MMS22L: variants seen among roughly 807,000 people sequenced by gnomAD.
MMS22L encodes MMS22 like, DNA repair protein.
MMS22L carries 74 observed loss-of-function variants against 159.1 expected under a neutral mutation model. That is an observed-to-expected ratio of 0.47 (90% CI 0.39 to 0.56). MMS22L has a LOEUF of 0.56. MMS22L is among the 20% of genes least tolerant of loss of function. The pLI, the probability that MMS22L is intolerant of heterozygous loss-of-function variation, is 0.00. For synonymous variants in MMS22L, 517 were observed against 506.9 expected (o/e 1.02, Z -0.27); for missense variants, 1,351 against 1,422.1 (o/e 0.95, Z 0.80).
intron 9 of MMS22L, among the ~76,000 whole-genome samples, chr6:97,256,365 C>T (rs1813811015): frequency 6.6e-6 from 1 of 151,950 alleles, no homozygotes; most frequent in Admixed American, 6.6e-5. Context: ...TTTTTAATTC[C>T]AATAAATTAT....
chr6:97,258,574 T>C (rs1284811307), intron 9 of MMS22L: 1 of 152,182 alleles, frequency 6.6e-6, no homozygotes, highest in Non-Finnish European at 1.5e-5. Context: ...CTATAACAAA[T>C]TCTAATCCAA....
intron 14 of MMS22L, among the ~76,000 whole-genome samples, chr6:97,225,067 G>C (rs1333109202): frequency 6.6e-6 from 1 of 152,004 alleles, no homozygotes; most frequent in African/African-American, 2.4e-5. Context: ...CTATAAATAG[G>C]GATGGCAGGA....
chr6:97,276,063 T>A (rs1428077154), intron 4 of MMS22L, among the ~76,000 whole-genome samples: 1 of 152,066 alleles, frequency 6.6e-6, no homozygotes, highest in East Asian at 1.9e-4. Context: ...AAACATGTCA[T>A]TAAGTATGTT....
intron 14 of MMS22L, among the ~76,000 whole-genome samples, chr6:97,209,716 A>G (rs1808168929): frequency 6.6e-6 from 1 of 152,028 alleles, no homozygotes; most frequent in Non-Finnish European, 1.5e-5. Flanking sequence ...TTTTTTGACT[A>G]AATTATTTAA....
chr6:97,143,129 C>T lies in MMS22L; in HGVS notation c.*3677G>A, dbSNP rs1800716469. On this transcript the variant is annotated 3_prime_UTR_variant, in exon 25 of 25. Transcript: ENST00000683635. ...ATCCAAATGCCTAATAAAGTCCTTT[C>T]ATCACTCTGTTGTCCTTCAGTTGTC... 6.6e-6 allele frequency: 1 copy of T among 152,476 alleles called. No individual in the cohort carries two copies. Among genetic ancestry groups the T allele is most frequent in the South Asian group, 2.1e-4 (1 of 4,830 alleles). The allele number at this position is 152,476 out of a possible 1,614,324, so 9.4% of individuals were successfully genotyped here.
intron 19 of MMS22L, among the ~76,000 whole-genome samples, chr6:97,169,439 T>C (rs1226314565): frequency 6.6e-6 from 1 of 152,068 alleles, no homozygotes; most frequent in Non-Finnish European, 1.5e-5. Flanking sequence ...TTTTATTCCA[T>C]CCTAGAAAGC....
intron 19 of MMS22L, among the ~76,000 whole-genome samples, chr6:97,172,620 T>C (rs1803660897): frequency 6.6e-6 from 1 of 152,174 alleles, no homozygotes; most frequent in Admixed American, 6.5e-5. Context: ...AAACAAGATT[T>C]GAAGCATAAA....
chr6:97,196,804 G>T (rs1806567741), intron 14 of MMS22L, among the ~76,000 whole-genome samples: 1 of 151,832 alleles, frequency 6.6e-6, no homozygotes, highest in African/African-American at 2.4e-5. Flanking sequence ...TATGTGCAGT[G>T]TGACTTTGCA....
intron 19 of MMS22L, 126 bp downstream of exon 19, chr6:97,172,937 G>A (rs1803698912): frequency 3.6e-6 from 3 of 833,190 alleles, no homozygotes; most frequent in African/African-American, 1.8e-5. Context: ...CTAAATCACT[G>A]TATTTCAGAT....
chr6:97,190,391 T>C (rs1805743750), intron 14 of MMS22L, among the ~76,000 whole-genome samples: 2 of 152,156 alleles, frequency 1.3e-5, no homozygotes, highest in Admixed American at 1.3e-4. Context: ...CACTTGGCAA[T>C]TGTTTTATTT....
chr6:97,185,925 C>T (rs1034801186), intron 15 of MMS22L, among the ~76,000 whole-genome samples: 6 of 151,940 alleles, frequency 3.9e-5, no homozygotes, highest in African/African-American at 4.8e-5. Context: ...GATATATATG[C>T]GCATATATTC....
chr6:97,196,408 T>C (rs1806511709), intron 14 of MMS22L, among the ~76,000 whole-genome samples: 1 of 152,160 alleles, frequency 6.6e-6, no homozygotes, highest in African/African-American at 2.4e-5. Flanking sequence ...ACAAACAGTG[T>C]GGTATTACTA....
At chr6:97,246,945 A>C (rs190175179) in intron 10 of MMS22L, among the ~76,000 whole-genome samples, 4 of 151,832 alleles carry the variant, frequency 2.6e-5, no homozygotes, top group East Asian at 1.9e-4. Flanking sequence ...TAAATATTCT[A>C]CCAAATATTT....
At chr6:97,245,916 A>AT (rs1812589802) in intron 11 of MMS22L, 1 of 251,102 alleles carries the variant, frequency 4.0e-6, no homozygotes, top group South Asian at 4.4e-5. Flanking sequence ...ATACTACAAT[A>AT]TTTTTTATTC....
At chr6:97,179,624 G>A in intron 16 of MMS22L, 65 bp from the exon 17 acceptor site, 3 of 1,405,360 alleles carry the variant, frequency 2.1e-6, no homozygotes, top group Middle Eastern at 2.2e-4. Flanking sequence ...AGATTAAGAA[G>A]TAAAGAAAAA....
intron 14 of MMS22L, among the ~76,000 whole-genome samples, chr6:97,223,651 T>C (rs759076784): frequency 6.6e-6 from 1 of 152,120 alleles, no homozygotes; most frequent in Non-Finnish European, 1.5e-5. Flanking sequence ...TTGTTTCCTG[T>C]CCAACTCTTC....
At chr6:97,181,415 A>C (rs1467865086) in intron 16 of MMS22L, among the ~76,000 whole-genome samples, 1 of 152,014 alleles carries the variant, frequency 6.6e-6, no homozygotes, top group African/African-American at 2.4e-5. Flanking sequence ...CTTATAGATA[A>C]GGAAGACATT....
intron 14 of MMS22L, among the ~76,000 whole-genome samples, chr6:97,216,558 T>C (rs1324323326): frequency 1.3e-5 from 2 of 152,192 alleles, no homozygotes; most frequent in Non-Finnish European, 2.9e-5. Flanking sequence ...ACCTATTCCA[T>C]AGTCAGAGAA....
At chr6:97,253,171 A>G (rs1314717116) in intron 10 of MMS22L, among the ~76,000 whole-genome samples, 1 of 152,124 alleles carries the variant, frequency 6.6e-6, no homozygotes, top group Admixed American at 6.5e-5. Flanking sequence ...GGGATCTCCT[A>G]CAGGACCTTT....
Sources: gnomAD v4.1 joint callset for allele counts (sites outside exome capture counted in the v4.1 genomes callset) on GRCh38, gnomAD v4.1.1 for gene constraint, MANE v1.5 for transcripts, NCBI Gene and HGNC (gene_info 2026-07-23, HGNC 2026-07-21) for gene names.